The following EXOC4 variants were observed in gnomAD, a reference collection of about 807,000 sequenced individuals.
The protein encoded by EXOC4 is exocyst complex component 4, also known as SEC8-like 1.
Under a neutral mutation model 107.2 loss-of-function variants are expected in EXOC4, and 71 were observed. The observed-to-expected ratio is 0.66, with a 90% confidence interval of 0.55 to 0.81. The LOEUF is 0.81. Among genes scored for constraint, EXOC4 ranks in the 30% least tolerant of loss-of-function variants. EXOC4 has a pLI of 0.00. For missense variants in EXOC4, 1,108 were observed against 1,189.6 expected, an observed-to-expected ratio of 0.93 and a Z score of 1.01; for synonymous variants, 456 against 441.2, an observed-to-expected ratio of 1.03 and a Z score of -0.42.
intron 7 of EXOC4, among the ~76,000 whole-genome samples, chr7:133,436,789 C>T (rs1797986317): frequency 6.6e-6 from 1 of 152,136 alleles, no homozygotes; most frequent in Non-Finnish European, 1.5e-5. Context: ...TTCATACCCT[C>T]CCCCTTTATT....
chr7:134,066,015 TG>T (rs1796170151), downstream of EXOC4: 1 of 151,946 alleles, frequency 6.6e-6, no homozygotes, highest in Non-Finnish European at 1.5e-5. Flanking sequence ...GGGATTCTGG[TG>T]GGAAAGAATG....
At chr7:133,925,922 C>T (rs147631670) in intron 13 of EXOC4, among the ~76,000 whole-genome samples, 4,700 of 151,666 alleles carry the variant, frequency 0.031, 256 homozygotes, top group African/African-American at 0.11. Context: ...GCCTGTAATC[C>T]CAGCTACTCA....
intron 10 of EXOC4, among the ~76,000 whole-genome samples, chr7:133,714,500 T>C (rs1458495799): frequency 6.6e-6 from 1 of 152,176 alleles, no homozygotes; most frequent in East Asian, 1.9e-4. Flanking sequence ...AGCTGTCTTT[T>C]CCATTCATAT....
At chr7:133,924,041 T>G (rs1412040661) in intron 13 of EXOC4, among the ~76,000 whole-genome samples, 1 of 152,130 alleles carries the variant, frequency 6.6e-6, no homozygotes, top group Non-Finnish European at 1.5e-5. Context: ...AGAGATCGAT[T>G]GGTTAGAGCC....
intron 5 of EXOC4, among the ~76,000 whole-genome samples, chr7:133,331,524 G>C (rs908902813): frequency 7.4e-6 from 1 of 134,904 alleles, no homozygotes; most frequent in Admixed American, 8.6e-5. Context: ...GAGTGCAGTG[G>C]CGCAATCTCG....
At chr7:133,368,902 G>A (rs1796303496) in intron 6 of EXOC4, among the ~76,000 whole-genome samples, 1 of 152,160 alleles carries the variant, frequency 6.6e-6, no homozygotes, top group South Asian at 2.1e-4. Flanking sequence ...GAATCCTGAG[G>A]TAATTTAATG....
intron 10 of EXOC4, among the ~76,000 whole-genome samples, chr7:133,794,992 T>G (rs1796784158): frequency 6.6e-6 from 1 of 151,384 alleles, no homozygotes; most frequent in Admixed American, 6.6e-5. Context: ...CCTTCCTGTG[T>G]CCACACAATG....
intron 7 of EXOC4, among the ~76,000 whole-genome samples, chr7:133,465,824 A>C (rs1435507453): frequency 6.6e-6 from 1 of 152,178 alleles, no homozygotes; most frequent in Non-Finnish European, 1.5e-5. Flanking sequence ...ATATGTTTTC[A>C]TCCCAAGAGC....
At chr7:133,849,011 T>C (rs1798189814) in intron 11 of EXOC4, among the ~76,000 whole-genome samples, 1 of 152,210 alleles carries the variant, frequency 6.6e-6, no homozygotes, top group African/African-American at 2.4e-5. Context: ...TTGATAGCTT[T>C]TACATGTTAA....
intron 9 of EXOC4, among the ~76,000 whole-genome samples, chr7:133,505,983 T>C (rs1799657957): frequency 6.6e-6 from 1 of 152,152 alleles, no homozygotes; most frequent in African/African-American, 2.4e-5. Context: ...GATTCCTTTT[T>C]GTTATGTTCA....
chr7:133,810,008 A>C (rs551862638), intron 10 of EXOC4, among the ~76,000 whole-genome samples: 8 of 152,344 alleles, frequency 5.3e-5, no homozygotes, highest in Non-Finnish European at 1.0e-4. Context: ...ACAGAAAACA[A>C]TACTGTGTTC....
intron 14 of EXOC4, among the ~76,000 whole-genome samples, chr7:133,951,102 TC>T (rs1187702675): frequency 6.6e-6 from 1 of 152,172 alleles, no homozygotes; most frequent in African/African-American, 2.4e-5. Flanking sequence ...CAGAAACTCC[TC>T]CCACCAGCTC....
At chr7:133,626,723 A>G (rs1244151561) in intron 9 of EXOC4, among the ~76,000 whole-genome samples, 3 of 152,178 alleles carry the variant, frequency 2.0e-5, no homozygotes, top group African/African-American at 7.2e-5. Context: ...CAATGTGCAT[A>G]TATTTTCACA....
At chr7:133,834,823 C>T (rs984594792) in intron 11 of EXOC4, among the ~76,000 whole-genome samples, 8 of 152,160 alleles carry the variant, frequency 5.3e-5, no homozygotes, top group Non-Finnish European at 1.0e-4. Flanking sequence ...ACCCAAATCT[C>T]ATCTTGAATT....
At chr7:133,556,766 A>C (rs1221300970) in intron 9 of EXOC4, among the ~76,000 whole-genome samples, 1 of 152,164 alleles carries the variant, frequency 6.6e-6, no homozygotes, top group Non-Finnish European at 1.5e-5. Flanking sequence ...ATGATGGATG[A>C]CTTGCTGAAG....
chr7:133,890,570 A>G (rs1799184532), intron 11 of EXOC4, among the ~76,000 whole-genome samples: 1 of 136,218 alleles, frequency 7.3e-6, no homozygotes, highest in African/African-American at 3.0e-5. Flanking sequence ...TAACGTTTAA[A>G]TCTTTAATCC....
intron 2 of EXOC4, among the ~76,000 whole-genome samples, chr7:133,283,170 T>C (rs1482888608): frequency 2.6e-5 from 4 of 152,174 alleles, no homozygotes; most frequent in Admixed American, 2.0e-4. Context: ...AATGGTGCAG[T>C]CGGCTCACTG....
chr7:133,440,670 A>G (rs559164084), intron 7 of EXOC4, among the ~76,000 whole-genome samples: 1 of 152,326 alleles, frequency 6.6e-6, no homozygotes, highest in African/African-American at 2.4e-5. Context: ...CAAGATGGCA[A>G]TGGGAGTGAC....
chr7:134,069,402 ACTTCTC>A (rs1190682656), downstream of EXOC4, among the ~76,000 whole-genome samples: 25 of 66,836 alleles, frequency 3.7e-4, no homozygotes, highest in South Asian at 5.5e-4. Context: ...TTCTCCCCCT[ACTTCTC>A]CTTCCTCCTT....
Sources: gnomAD v4.1 joint callset for allele counts (sites outside exome capture counted in the v4.1 genomes callset) on GRCh38, gnomAD v4.1.1 for gene constraint, MANE v1.5 for transcripts, NCBI Gene and HGNC (gene_info 2026-07-23, HGNC 2026-07-21) for gene names.